Variants in DOK3 observed in about 807,000 individuals in gnomAD.
DOK3 encodes the protein Dok-like protein.
A neutral mutation model predicts 26.2 loss-of-function variants in DOK3; 23 were observed. That is an observed-to-expected ratio of 0.88 (90% CI 0.63 to 1.24). DOK3 has a LOEUF of 1.24. Ranked by LOEUF, DOK3 falls within the 50% of genes most tolerant of loss-of-function variation. The pLI is 0.00. For synonymous variants in DOK3, 268 were observed against 268.2 expected (o/e 1.00, Z 0.01); for missense variants, 619 against 610.6 (o/e 1.01, Z -0.15).
At chr5:177,507,027 C>CT (rs1760281420) in intron 3 of DOK3, among the ~76,000 whole-genome samples, 1 of 152,142 alleles carries the variant, frequency 6.6e-6, no homozygotes, top group African/African-American at 2.4e-5. Context: ...TGCACTGTTG[C>CT]CACTGTCTAG....
chr5:177,508,732 C>T (rs1011897953), intron 2 of DOK3, 190 bp from the exon 3 acceptor site: 14 of 549,504 alleles, frequency 2.5e-5, no homozygotes, highest in Middle Eastern at 1.0e-3. Flanking sequence ...AATCCCAGCC[C>T]GCTCTTTCCT....
In DOK3 at chr5:177,505,035, A is replaced by G; in HGVS notation, c.448T>C (p.Ser150Pro). Residue 150 changes from serine to proline, a missense_variant, in exon 4 of 6, where the codon TCC (serine) becomes CCC (proline). Ser to Pro is a moderately conservative substitution (Grantham distance 74). Transcript: ENST00000510898. Reference sequence around the variant, plus strand: ...CCTTCCTGCCAGGAGGAGTAGATGGAGTTTTCCTCCATGGGGACCAGGCCC... The same window carrying G: ...CCTTCCTGCCAGGAGGAGTAGATGGGGTTTTCCTCCATGGGGACCAGGCCC... ...KRGLVPMEEN[S>P]IYSSWQEVGE... 6.2e-7 allele frequency: 1 copy of G among 1,611,774 alleles called. No homozygotes were observed. Among genetic ancestry groups the G allele is most frequent in the Non-Finnish European group, 8.5e-7 (1 of 1,178,970 alleles).
Position 177,503,245 on chromosome 5 carries a change from C to T in DOK3, c.*738G>A, listed in dbSNP as rs1256747041. 6.4e-6 allele frequency: 10 copies of T among 1,551,012 alleles called. No homozygotes were observed. Among genetic ancestry groups the T allele is most frequent in the Admixed American group, 5.9e-5 (3 of 50,972 alleles). On this transcript the variant is annotated 3_prime_UTR_variant, in exon 6 of 6. Coordinates refer to ENST00000510898, the MANE Select transcript of DOK3 (RefSeq NM_001308236.3). ...AATGTCGGCTCCCGGAGAACAGGAC[C>T]AAGGCTGTCCTGAACACGGCTGTGT...
rs1473003942 is a variant in DOK3, at chr5:177,509,608, T to C, written c.-68A>G. 1.3e-6 allele frequency: 2 copies of C among 1,598,216 alleles called. No homozygotes were observed. The highest frequency in any genetic ancestry group is 1.3e-5 in the African/African-American group (1 of 74,584). On this transcript the variant is annotated 5_prime_UTR_variant, in exon 2 of 6. Coordinates refer to ENST00000510898, the MANE Select transcript of DOK3 (RefSeq NM_001308236.3). ...GACTGATGACAGGCTGGACGGGAAC[T>C]CCTCACACTTCCCCTTCTGGCCACT...
In DOK3 at chr5:177,508,228, C is replaced by T. The variant is rs556129531; in HGVS notation, c.372+9G>A. On this transcript the variant is annotated intron_variant, in intron 3 of 5. Transcript: ENST00000510898. ...CCAGCCCAATCGCCCCCCTGCTCGC[C>T]GCACTCACCGGGAAGGCCAGCTGGC... 74 of 1,475,692 alleles carry T rather than the reference C, an allele frequency of 5.0e-5. No homozygotes were observed. In the Admixed American group the frequency reaches 1.0e-3, roughly 20 times the overall value. The allele number at this position is 1,475,692 out of a possible 1,614,324, so 91.4% of individuals were successfully genotyped here. A position where few individuals can be genotyped will look rare whatever the true frequency, so the allele number is the denominator to read the frequency against.
At position 177,505,099 on chromosome 5, in the gene DOK3, C is replaced by T. The variant is rs1486253261; in HGVS notation, c.384G>A (p.Glu128=). 6.2e-7 allele frequency: 1 copy of T among 1,608,668 alleles called. No individual in the cohort carries two copies. Among genetic ancestry groups the T allele is most frequent in the Non-Finnish European group, 8.5e-7 (1 of 1,177,862 alleles). The change falls in exon 4 of 6, where the codon GAG becomes GAA. Residue 128 remains glutamate (E), a synonymous_variant. Coordinates refer to ENST00000510898, the MANE Select transcript of DOK3 (RefSeq NM_001308236.3). ...ICQLAFPGTG[E]ASSGSTDAQS... is the part of the protein sequence containing the mutation. ...GGGCATCTGTGGATCCTGAGGAGGC[C>T]TCCCCTGTCCCCTGGGGAATGAGTT...
At chr5:177,509,152 A>C in intron 2 of DOK3, 2 of 265,576 alleles carry the variant, frequency 7.5e-6, no homozygotes, top group Non-Finnish European at 7.2e-6. Context: ...CCCTCACCCT[A>C]TTTAGGGCCC....
In DOK3 at chr5:177,503,518, C is replaced by T. The variant is rs952175118; in HGVS notation, c.*465G>A. The T allele has an allele frequency of 1.0e-5, 15 of 1,431,006 alleles. No homozygotes were observed. The African/African-American group carries it at 2.2e-4, about 21-fold the overall frequency. 88.6% of individuals were successfully genotyped at this position (1,431,006 alleles called of 1,614,324 possible). A position where few individuals can be genotyped will look rare whatever the true frequency, so the allele number is the denominator to read the frequency against. On this transcript the variant is annotated 3_prime_UTR_variant, in exon 6 of 6. Transcript: ENST00000510898. ...TCGGGCCTCCGGGTCTCCAGTTGGG[C>T]CCTCATGTTGCTCCTTCCTGAGTCT...
chr5:177,505,199 G>C, intron 3 of DOK3, 89 bp from the exon 4 acceptor site: 2 of 1,166,346 alleles, frequency 1.7e-6, no homozygotes, highest in Non-Finnish European at 2.4e-6. Flanking sequence ...CACAAGCCAG[G>C]GGGCATCCAG....
Position 177,503,372 on chromosome 5 carries a change from G to A in DOK3, c.*611C>T, listed in dbSNP as rs550446401. On this transcript the variant is annotated 3_prime_UTR_variant, in exon 6 of 6. Transcript: ENST00000510898. ...CTCCTTTACAGATGAGGAGACTGACGCCTGGGGTTCCCAGAAGTATCTGCA... is the reference window on the plus strand; with the variant it reads ...CTCCTTTACAGATGAGGAGACTGACACCTGGGGTTCCCAGAAGTATCTGCA... 164 of 1,540,256 alleles carry A rather than the reference G, an allele frequency of 1.1e-4. No individual in the cohort carries two copies. In the Middle Eastern group the frequency reaches 2.0e-3, roughly 19 times the overall value.
At position 177,503,487 on chromosome 5, in the gene DOK3, C is replaced by T; in HGVS notation, c.*496G>A. The stretch of plus-strand genomic sequence containing the variant: ...CTGCACCCCGCCCCCACTGCCTCCT[C>T]CCAGCTCGGGCCTCCGGGTCTCCAG... On this transcript the variant is annotated 3_prime_UTR_variant, in exon 6 of 6. Transcript: ENST00000510898. The T allele has an allele frequency of 6.9e-7, 1 of 1,451,224 alleles. No individual in the cohort carries two copies. The highest frequency in any genetic ancestry group is 9.1e-7 in the Non-Finnish European group (1 of 1,100,396). The allele number at this position is 1,451,224 out of a possible 1,614,324, so 89.9% of individuals were successfully genotyped here.
At chr5:177,506,509 A>AT (rs920229916) in intron 3 of DOK3, among the ~76,000 whole-genome samples, 9 of 137,742 alleles carry the variant, frequency 6.5e-5, no homozygotes, top group East Asian at 2.3e-4. Flanking sequence ...AATTTTTGTA[A>AT]TTTTTTTTTA....
Position 177,502,188 on chromosome 5 carries a change from A to T in DOK3, c.*1795T>A, listed in dbSNP as rs572850070. The T allele has an allele frequency of 2.3e-4, 35 of 152,300 alleles. No individual in the cohort carries two copies. The highest frequency in any genetic ancestry group is 2.2e-3 in the Admixed American group (33 of 15,302). 9.4% of individuals were successfully genotyped at this position (152,300 alleles called of 1,614,324 possible). A position where few individuals can be genotyped will look rare whatever the true frequency, so the allele number is the denominator to read the frequency against. ...TTTGTTTTGGAGAATAAGGTTGGTGACTCTAATAAAAGCCACATAATGGCA... is the reference window on the plus strand; with the variant it reads ...TTTGTTTTGGAGAATAAGGTTGGTGTCTCTAATAAAAGCCACATAATGGCA... On this transcript the variant is annotated 3_prime_UTR_variant, in exon 6 of 6. Coordinates refer to ENST00000510898, the MANE Select transcript of DOK3 (RefSeq NM_001308236.3).
Position 177,509,778 on chromosome 5 carries a change from C to T in DOK3, c.-138G>A. The stretch of plus-strand genomic sequence containing the variant: ...CCTACCTGGAGGGAGCCCCCGGCCA[C>T]CTGAAGGCAGCCTTCTCACGCACCT... On this transcript the variant is annotated 5_prime_UTR_variant, in exon 1 of 6. The change creates a new upstream start codon in the 5' untranslated region. Transcript: ENST00000510898. 6.2e-7 allele frequency: 1 copy of T among 1,612,362 alleles called. No homozygotes were observed. Among genetic ancestry groups the T allele is most frequent in the Non-Finnish European group, 8.5e-7 (1 of 1,179,972 alleles).
At position 177,509,647 on chromosome 5, in the gene DOK3, T is replaced by TCC. The variant is rs1184157777; in HGVS notation, c.-108_-107insGG. ...CTTCTGGCCACTTCCCGTCCCTCCG[T>TCC]CTAGAGACAGCTGCAGGCCGGGGGG... On this transcript the variant is annotated 5_prime_UTR_variant, in exon 2 of 6. Transcript: ENST00000510898. The TCC allele has an allele frequency of 1.9e-6, 3 of 1,588,626 alleles. No individual in the cohort carries two copies. Among genetic ancestry groups the TCC allele is most frequent in the South Asian group, 2.3e-5 (2 of 87,264 alleles).
rs545647781 is a variant in DOK3, at chr5:177,503,734, C to T, written c.*249G>A. The T allele has an allele frequency of 4.8e-5, 68 of 1,409,708 alleles. No individual in the cohort carries two copies. Among genetic ancestry groups the T allele is most frequent in the African/African-American group, 1.0e-4 (7 of 69,376 alleles). 87.3% of individuals were successfully genotyped at this position (1,409,708 alleles called of 1,614,324 possible). ...GGGTGCTTGTGTTGGCCGCAATGAA[C>T]GTGGGCAGGGGCGTGTGCCGTGAGT... On this transcript the variant is annotated 3_prime_UTR_variant, in exon 6 of 6. Transcript: ENST00000510898.
chr5:177,502,993 G>A lies in DOK3; in HGVS notation c.*990C>T. The A allele has an allele frequency of 3.5e-6, 5 of 1,422,520 alleles. No homozygotes were observed. Among genetic ancestry groups the A allele is most frequent in the Non-Finnish European group, 4.7e-6 (5 of 1,059,032 alleles). 88.1% of individuals were successfully genotyped at this position (1,422,520 alleles called of 1,614,324 possible). On this transcript the variant is annotated 3_prime_UTR_variant, in exon 6 of 6. Transcript: ENST00000510898. ...TGGAAGGAGGTGGCGGCCAGAGGAT[G>A]AGGCTTGGACAGGAGAGAGCAAAAA...
chr5:177,505,870 G>A (rs1375329940), intron 3 of DOK3, among the ~76,000 whole-genome samples: 1 of 152,068 alleles, frequency 6.6e-6, no homozygotes, highest in Non-Finnish European at 1.5e-5. Context: ...CCAAGTAGCT[G>A]GGACTACAGG....
At chr5:177,508,108 T>C (rs1760449435) in intron 3 of DOK3, 129 bp downstream of exon 3, 1 of 1,180,496 alleles carries the variant, frequency 8.5e-7, no homozygotes, top group Non-Finnish European at 1.1e-6. Flanking sequence ...TGAGAGTCAT[T>C]ATAGATTTAC....
Sources: gnomAD v4.1 joint callset for allele counts (sites outside exome capture counted in the v4.1 genomes callset) on GRCh38, gnomAD v4.1.1 for gene constraint, MANE v1.5 for transcripts, NCBI Gene and HGNC (gene_info 2026-07-23, HGNC 2026-07-21) for gene names.